DGKB: variants seen among roughly 807,000 people sequenced by gnomAD.
DGKB encodes the protein diacylglycerol kinase beta.
In DGKB, 67 loss-of-function variants were observed where a neutral mutation model predicts 114.3. The ratio of observed to expected loss-of-function variants is 0.59; its 90% confidence interval spans 0.48 to 0.72. The LOEUF is 0.72. Ranked by LOEUF, DGKB falls within the 30% of genes least tolerant of loss-of-function variation. The probability of loss-of-function intolerance (pLI) is 0.00; values close to 1 mark genes in which losing one functional copy is unlikely to be tolerated. For missense variants in DGKB, 907 were observed against 975.2 expected (o/e 0.93, Z 0.93); for synonymous variants, 398 against 323.1 (o/e 1.23, Z -2.49).
At chr7:14,380,469 G>A (rs1013735412) in intron 21 of DGKB, among the ~76,000 whole-genome samples, 53 of 151,884 alleles carry the variant, frequency 3.5e-4, no homozygotes, top group African/African-American at 1.2e-3. Flanking sequence ...TACTGTTTTG[G>A]CAAAAGTTCC....
chr7:14,432,992 G>T (rs991833236), intron 21 of DGKB, among the ~76,000 whole-genome samples: 4 of 152,142 alleles, frequency 2.6e-5, no homozygotes, highest in Non-Finnish European at 5.9e-5. Context: ...TAAGAGCATG[G>T]TGGAGTGGAT....
chr7:14,487,073 A>G (rs1381158352), intron 20 of DGKB, among the ~76,000 whole-genome samples: 2 of 152,194 alleles, frequency 1.3e-5, no homozygotes. Flanking sequence ...CATGCCACGT[A>G]CCGTGGTGGG....
At chr7:14,259,476 G>C (rs1479332557) in intron 23 of DGKB, among the ~76,000 whole-genome samples, 3 of 151,770 alleles carry the variant, frequency 2.0e-5, no homozygotes, top group Non-Finnish European at 4.4e-5. Context: ...ACGCAGGCTG[G>C]AGTGCGGTGG....
At chr7:14,620,484 T>A (rs1025190537) in intron 15 of DGKB, among the ~76,000 whole-genome samples, 1 of 151,196 alleles carries the variant, frequency 6.6e-6, no homozygotes. Context: ...AAATAAGAAA[T>A]AAAAAAAGAT....
rs1416586937 is a variant in DGKB at position 14,478,199 on chromosome 7, G to A, written c.1797C>T (p.His599=). The A allele has an allele frequency of 4.4e-6, 7 of 1,602,078 alleles. No individual in the cohort carries two copies. Among genetic ancestry groups the A allele is most frequent in the Middle Eastern group, 3.3e-4 (2 of 6,024 alleles). Residue 599 remains histidine, a synonymous_variant, in exon 21 of 26, where the codon CAC becomes CAT. Transcript: ENST00000402815. ...TCTCTGGGTGTTTTTCTCTCATGAT[G>A]TGGAATCTGTGTGCAATGGAGGCAT... is the stretch of plus-strand genomic sequence containing the variant. ...GVDASIAHRF[H]IMREKHPEKF...
rs572223505 is a variant in DGKB, at chr7:14,537,514, T to A, written c.1770+36698A>T. Among the ~76,000 whole-genome samples the A allele has an allele frequency of 2.0e-5, 3 of 152,256 alleles. No homozygotes were observed. In the South Asian group the frequency reaches 6.2e-4, roughly 32 times the overall value. On this transcript the variant is annotated intron_variant, in intron 20 of 25. Transcript: ENST00000402815. ...ACAGTCAACTGATATTTGATGAAGA[T>A]GCCAAGAATACACAACAGAGTAAAG... is the stretch of plus-strand genomic sequence containing the variant.
chr7:14,553,432 A>G (rs1376091190), intron 20 of DGKB, among the ~76,000 whole-genome samples: 2 of 152,216 alleles, frequency 1.3e-5, no homozygotes, highest in Non-Finnish European at 2.9e-5. Context: ...ATAAATAAAC[A>G]AAATTGCTAT....
intron 1 of DGKB, among the ~76,000 whole-genome samples, chr7:14,966,809 G>A (rs1268301882): frequency 6.6e-6 from 1 of 152,004 alleles, no homozygotes; most frequent in Non-Finnish European, 1.5e-5. Flanking sequence ...AAATAATTGA[G>A]AATCAGAGAA....
intron 21 of DGKB, among the ~76,000 whole-genome samples, chr7:14,450,599 A>G (rs576763907): frequency 6.6e-6 from 1 of 152,172 alleles, no homozygotes; most frequent in South Asian, 2.1e-4. Context: ...ACCTAAGAGT[A>G]GAAAAAAAAT....
intron 1 of DGKB, among the ~76,000 whole-genome samples, chr7:14,889,245 AG>A (rs1412314276): frequency 6.6e-6 from 1 of 151,660 alleles, no homozygotes; most frequent in Admixed American, 6.6e-5. Flanking sequence ...ATTCCACACA[AG>A]GGCATATCCA....
At chr7:14,507,812 G>A (rs564804000) in intron 20 of DGKB, among the ~76,000 whole-genome samples, 1 of 152,100 alleles carries the variant, frequency 6.6e-6, no homozygotes. Context: ...AGGGGAAAGA[G>A]CCAAAAAAAC....
intron 1 of DGKB, among the ~76,000 whole-genome samples, chr7:14,914,704 A>T (rs1453334789): frequency 6.6e-6 from 1 of 152,184 alleles, no homozygotes; most frequent in African/African-American, 2.4e-5. Context: ...AAAATTATTA[A>T]ATAGGGAATT....
At chr7:14,151,235 T>G (rs1782152150) in intron 25 of DGKB, among the ~76,000 whole-genome samples, 1 of 152,066 alleles carries the variant, frequency 6.6e-6, no homozygotes, top group South Asian at 2.1e-4. Flanking sequence ...CACGGTATAA[T>G]AGCATTAGGG....
intron 13 of DGKB, among the ~76,000 whole-genome samples, chr7:14,637,740 G>T (rs1811015855): frequency 6.6e-6 from 1 of 151,734 alleles, no homozygotes; most frequent in Non-Finnish European, 1.5e-5. Flanking sequence ...GTTCCACTCT[G>T]CTAAGCAAAT....
At chr7:14,537,457 A>G (rs1347113817) in intron 20 of DGKB, among the ~76,000 whole-genome samples, 1 of 152,156 alleles carries the variant, frequency 6.6e-6, no homozygotes, top group African/African-American at 2.4e-5. Flanking sequence ...AATGGAACAC[A>G]ATAGAGAGCC....
At chr7:14,221,310 G>T (rs543701210) in intron 23 of DGKB, among the ~76,000 whole-genome samples, 1 of 150,858 alleles carries the variant, frequency 6.6e-6, no homozygotes, top group Non-Finnish European at 1.5e-5. Context: ...ATTAGTTGTG[G>T]GTTTTACATA....
intron 23 of DGKB, among the ~76,000 whole-genome samples, chr7:14,182,055 C>A (rs1782704105): frequency 6.6e-6 from 1 of 152,102 alleles, no homozygotes; most frequent in African/African-American, 2.4e-5. Flanking sequence ...TTAAGCATTT[C>A]TTTCAAATAT....
chr7:14,383,815 G>A (rs781377377), intron 21 of DGKB, among the ~76,000 whole-genome samples: 2 of 152,208 alleles, frequency 1.3e-5, no homozygotes, highest in Non-Finnish European at 2.9e-5. Flanking sequence ...TTAGCTGAAT[G>A]CATTATCATC....
chr7:14,536,469 C>T (rs900600665), intron 20 of DGKB, among the ~76,000 whole-genome samples: 2 of 152,072 alleles, frequency 1.3e-5, no homozygotes, highest in Non-Finnish European at 2.9e-5. Flanking sequence ...GTACCATGAC[C>T]AAGTGATATT....
Sources: gnomAD v4.1 joint callset for allele counts (sites outside exome capture counted in the v4.1 genomes callset) on GRCh38, gnomAD v4.1.1 for gene constraint, MANE v1.5 for transcripts, NCBI Gene and HGNC (gene_info 2026-07-23, HGNC 2026-07-21) for gene names.